Variants in RNF217 observed in about 807,000 individuals in gnomAD.
The protein encoded by RNF217 is ring finger protein 217.
In RNF217, 31 loss-of-function variants were observed where a neutral mutation model predicts 57.8. That is an observed-to-expected ratio of 0.54 (90% CI 0.40 to 0.72). The LOEUF (loss-of-function observed/expected upper bound fraction) is 0.72, where lower values mean the gene tolerates loss of function less well. Ranked by LOEUF, RNF217 falls within the 30% of genes least tolerant of loss-of-function variation. The pLI is 0.00. For missense variants in RNF217, 696 were observed against 708.3 expected, an observed-to-expected ratio of 0.98 and a Z score of 0.20; for synonymous variants, 313 against 294.0, an observed-to-expected ratio of 1.06 and a Z score of -0.66.
intron 1 of RNF217, among the ~76,000 whole-genome samples, chr6:125,000,846 C>G (rs1321778045): frequency 1.3e-5 from 2 of 152,112 alleles, no homozygotes; most frequent in Middle Eastern, 3.4e-3. Context: ...ATAAAATAAG[C>G]TTTACTCCCT....
At chr6:125,071,482 A>ATGTG (rs1491454620) in intron 3 of RNF217, among the ~76,000 whole-genome samples, 1 of 122,266 alleles carries the variant, frequency 8.2e-6, no homozygotes, top group East Asian at 2.5e-4. Flanking sequence ...ATCTGCCTAC[A>ATGTG]TATGTGTGTG....
intron 1 of RNF217, chr6:124,996,485 TC>T (rs1451962700): frequency 6.6e-6 from 1 of 152,164 alleles, no homozygotes; most frequent in African/African-American, 2.4e-5. Flanking sequence ...TTCTACCAAT[TC>T]ATGGTTTTCT....
intron 2 of RNF217, among the ~76,000 whole-genome samples, chr6:125,050,842 G>T (rs933266318): frequency 4.0e-5 from 6 of 151,734 alleles, no homozygotes; most frequent in Non-Finnish European, 8.8e-5. Context: ...TATCACTCAT[G>T]TCAGGAGCCC....
At chr6:125,027,784 G>A (rs528334230) in intron 1 of RNF217, among the ~76,000 whole-genome samples, 21 of 152,156 alleles carry the variant, frequency 1.4e-4, no homozygotes, top group Non-Finnish European at 2.8e-4. Flanking sequence ...GTGTACAAAG[G>A]TTCCCTTTTC....
At chr6:125,009,487 A>G (rs1279705063) in intron 1 of RNF217, 4 of 475,680 alleles carry the variant, frequency 8.4e-6, no homozygotes, top group Non-Finnish European at 1.5e-5. Flanking sequence ...AAAAAAAGAA[A>G]AACAGAGACT....
Position 125,058,161 on chromosome 6 carries a change from A to G in RNF217, c.1281+55A>G, listed in dbSNP as rs1165731090. ...AACATGTACATCTGGATGTGACTGA[A>G]CAATATTTACATTATTGAAGGGAAT... On this transcript the variant is annotated intron_variant, in intron 3 of 5. Coordinates refer to ENST00000521654, the MANE Select transcript of RNF217 (RefSeq NM_001286398.3). 4.2e-6 allele frequency: 6 copies of G among 1,426,268 alleles called. No individual in the cohort carries two copies. The East Asian group carries it at 1.5e-4, about 35-fold the overall frequency. The allele number at this position is 1,426,268 out of a possible 1,614,324, so 88.4% of individuals were successfully genotyped here.
intron 1 of RNF217, 57 bp downstream of exon 1, chr6:124,963,483 C>T (rs902912503): frequency 3.5e-6 from 5 of 1,428,692 alleles, no homozygotes; most frequent in African/African-American, 2.9e-5. Flanking sequence ...GCGAGGAGGT[C>T]CTGCTCTCGA....
intron 1 of RNF217, among the ~76,000 whole-genome samples, chr6:124,980,257 G>A (rs1392924467): frequency 6.6e-6 from 1 of 152,108 alleles, no homozygotes; most frequent in African/African-American, 2.4e-5. Context: ...TTTCAAAAAC[G>A]TTGAGCCACC....
At chr6:125,007,311 T>C (rs1785226726) in intron 1 of RNF217, among the ~76,000 whole-genome samples, 1 of 151,532 alleles carries the variant, frequency 6.6e-6, no homozygotes, top group Non-Finnish European at 1.5e-5. Flanking sequence ...AGTGGTGCGA[T>C]CTCGGCTCAC....
intron 1 of RNF217, among the ~76,000 whole-genome samples, chr6:125,030,907 G>C (rs761651081): frequency 6.6e-6 from 1 of 152,226 alleles, no homozygotes; most frequent in Non-Finnish European, 1.5e-5. Context: ...CCCTAGCAGA[G>C]GTTCTACATG....
intron 2 of RNF217, among the ~76,000 whole-genome samples, chr6:125,046,388 C>G (rs1339366918): frequency 6.6e-6 from 1 of 152,070 alleles, no homozygotes; most frequent in African/African-American, 2.4e-5. Context: ...ACCAAGGCAA[C>G]AACTGTGACA....
In RNF217 at chr6:124,999,205, C is replaced by A. The variant is rs541690745; in HGVS notation, c.882+35779C>A. Among the ~76,000 whole-genome samples, 44 of 152,302 alleles carry A rather than the reference C, an allele frequency of 2.9e-4. No homozygotes were observed. The South Asian group carries it at 9.1e-3, about 32-fold the overall frequency. On this transcript the variant is annotated intron_variant, in intron 1 of 5. Transcript: ENST00000521654. ...AGACTGGCTGATCTTTGGTATATTTCATTTTAAATTTCCTCTTGTAGGAAT... is the reference window on the plus strand; with the variant it reads ...AGACTGGCTGATCTTTGGTATATTTAATTTTAAATTTCCTCTTGTAGGAAT...
intron 1 of RNF217, among the ~76,000 whole-genome samples, chr6:124,980,814 C>T (rs1361093964): frequency 1.3e-5 from 2 of 152,144 alleles, no homozygotes; most frequent in South Asian, 2.1e-4. Context: ...CCTGAAATTT[C>T]CCTCTAATTA....
chr6:125,027,208 T>A (rs1246613044), intron 1 of RNF217, among the ~76,000 whole-genome samples: 2 of 152,192 alleles, frequency 1.3e-5, no homozygotes, highest in Non-Finnish European at 2.9e-5. Context: ...TATTATTGAC[T>A]GTAGTGATCC....
At chr6:125,018,729 G>A (rs1471016151) in intron 1 of RNF217, among the ~76,000 whole-genome samples, 2 of 152,154 alleles carry the variant, frequency 1.3e-5, no homozygotes, top group Non-Finnish European at 2.9e-5. Context: ...AGGACTAGTT[G>A]AAAACCTAAA....
At chr6:125,038,894 C>G (rs1032217564) in intron 1 of RNF217, among the ~76,000 whole-genome samples, 1 of 151,954 alleles carries the variant, frequency 6.6e-6, no homozygotes, top group East Asian at 1.9e-4. Context: ...CATAGGTAAA[C>G]GTGTGCCATG....
At chr6:125,013,351 ATGTGTGTGTGTG>A (rs61504994) in intron 1 of RNF217, among the ~76,000 whole-genome samples, 4 of 141,210 alleles carry the variant, frequency 2.8e-5, no homozygotes, top group Non-Finnish European at 3.0e-5. Flanking sequence ...TGTTTTGTGT[ATGTGTGTGTGTG>A]TGTGTGTGTG....
chr6:125,073,023 C>T (rs915872511), intron 3 of RNF217, among the ~76,000 whole-genome samples: 7 of 152,182 alleles, frequency 4.6e-5, no homozygotes, highest in African/African-American at 1.2e-4. Context: ...CAAAAATTAG[C>T]GCTCTTTCCT....
At chr6:125,033,106 T>C (rs556784) in intron 1 of RNF217, among the ~76,000 whole-genome samples, 5,878 of 152,198 alleles carry the variant, frequency 0.039, 156 homozygotes, top group South Asian at 0.083. Flanking sequence ...TTTCTTTTTT[T>C]TTCTTTTTTC....
Sources: gnomAD v4.1 joint callset for allele counts (sites outside exome capture counted in the v4.1 genomes callset) on GRCh38, gnomAD v4.1.1 for gene constraint, MANE v1.5 for transcripts, NCBI Gene and HGNC (gene_info 2026-07-23, HGNC 2026-07-21) for gene names.